The following ABI3BP variants were observed in gnomAD, a reference collection of about 807,000 sequenced individuals.
The protein encoded by ABI3BP is ABI family member 3 binding protein, also known as target of Nesh-SH3.
Under a neutral mutation model 268.6 loss-of-function variants are expected in ABI3BP, and 216 were observed. The ratio of observed to expected loss-of-function variants is 0.80; its 90% CI spans 0.72 to 0.90. The LOEUF is 0.90. ABI3BP is among the 40% of genes least tolerant of loss of function. The pLI, the probability that ABI3BP is intolerant of heterozygous loss-of-function variation, is 0.00. For missense variants in ABI3BP, 2,090 were observed against 2,182.4 expected (o/e 0.96, Z 0.84); for synonymous variants, 730 against 730.0 (o/e 1.00, Z 0.00).
intron 57 of ABI3BP, among the ~76,000 whole-genome samples, chr3:100,784,953 T>G (rs1489195879): frequency 6.6e-6 from 1 of 152,092 alleles, no homozygotes; most frequent in African/African-American, 2.4e-5. Flanking sequence ...ACTCAGGTAA[T>G]GAGTGCACTA....
At chr3:100,766,062 G>T (rs1041466512) in intron 62 of ABI3BP, 113 bp from the exon 63 acceptor site, 1 of 720,134 alleles carries the variant, frequency 1.4e-6, no homozygotes, top group South Asian at 1.7e-5. Flanking sequence ...AATTGAGATG[G>T]AAGTTCTAGA....
chr3:100,966,002 G>A (rs1463959179), intron 1 of ABI3BP, among the ~76,000 whole-genome samples: 2 of 152,172 alleles, frequency 1.3e-5, no homozygotes, highest in African/African-American at 4.8e-5. Context: ...GCCCCAAACA[G>A]TCCATGAATC....
rs747805952 is a variant in ABI3BP, at chr3:100,752,963, T to C, written c.4961-15A>G. ...ATCTCTTCCTGCTACAAAAGGAAAA[T>C]AGTTTGAGTTTAGTATCTGACTCTT... On this transcript the variant is annotated splice_polypyrimidine_tract_variant and intron_variant, in intron 65 of 67. Transcript: ENST00000471714. 1.2e-6 allele frequency: 2 copies of C among 1,603,690 alleles called. No individual in the cohort carries two copies. Among genetic ancestry groups the C allele is most frequent in the South Asian group, 2.2e-5 (2 of 90,246 alleles).
At chr3:100,802,404 C>T (rs2097558652) in intron 51 of ABI3BP, among the ~76,000 whole-genome samples, 1 of 152,178 alleles carries the variant, frequency 6.6e-6, no homozygotes, top group African/African-American at 2.4e-5. Context: ...TCTGTTAAGC[C>T]AGGAACCTCC....
chr3:100,864,417 T>C (rs995731507), intron 11 of ABI3BP: 3 of 343,468 alleles, frequency 8.7e-6, no homozygotes, highest in African/African-American at 2.1e-5. Context: ...TTTAAAAGCA[T>C]GACACTTTTG....
intron 1 of ABI3BP, among the ~76,000 whole-genome samples, chr3:100,939,068 T>A (rs979277207): frequency 2.0e-4 from 31 of 152,080 alleles, no homozygotes; most frequent in Non-Finnish European, 7.4e-5. Flanking sequence ...ATTCCATATA[T>A]CTCATTTTAT....
Position 100,851,866 on chromosome 3 carries a change from C to A in ABI3BP, c.1351+9G>T. ...GGATCCAAAGACAGAATTGAGAGGCCAGATATACCTGTGTAGGAATCTGAT... is the reference window on the plus strand; with the variant it reads ...GGATCCAAAGACAGAATTGAGAGGCAAGATATACCTGTGTAGGAATCTGAT... On this transcript the variant is annotated intron_variant, in intron 15 of 67. Coordinates refer to ENST00000471714, the MANE Select transcript of ABI3BP (RefSeq NM_001375547.2). 1.3e-6 allele frequency: 2 copies of A among 1,580,184 alleles called. No individual in the cohort carries two copies. The highest frequency in any genetic ancestry group is 1.2e-5 in the South Asian group (1 of 83,704).
At chr3:100,933,002 T>A (rs373833767) in intron 1 of ABI3BP, among the ~76,000 whole-genome samples, 13 of 152,116 alleles carry the variant, frequency 8.5e-5, no homozygotes, top group East Asian at 7.8e-4. Context: ...AGGAATTCTT[T>A]CATATCTAAT....
intron 55 of ABI3BP, among the ~76,000 whole-genome samples, chr3:100,790,062 G>A (rs935161094): frequency 6.6e-6 from 1 of 152,006 alleles, no homozygotes; most frequent in African/African-American, 2.4e-5. Context: ...CATCCATAAT[G>A]CTGTAGAAAT....
rs151128029 is a variant in ABI3BP, at chr3:100,893,438, C to G, written c.461+5324G>C. 3.6e-3 allele frequency among the ~76,000 whole-genome samples: 549 copies of G among 151,982 alleles called. 21 individuals are homozygous for G. Among genetic ancestry groups the G allele is most frequent in the Admixed American group, 0.033 (511 of 15,274 alleles). On this transcript the variant is annotated intron_variant, in intron 4 of 67. Coordinates refer to ENST00000471714, the MANE Select transcript of ABI3BP (RefSeq NM_001375547.2). ...CCTGTCCCTCTAGGAAACCCTAATA[C>G]AAATGGTTAAAGGGGCAAGAGGAAA...
intron 2 of ABI3BP, among the ~76,000 whole-genome samples, chr3:100,903,244 A>G (rs1160788101): frequency 1.3e-5 from 2 of 152,224 alleles, no homozygotes; most frequent in African/African-American, 2.4e-5. Context: ...GTCACAATTT[A>G]TAAGTTGGTA....
In ABI3BP at chr3:100,862,841, A is replaced by G. The variant is rs765353485; in HGVS notation, c.1207T>C (p.Leu403=). Residue 403 remains leucine, a synonymous_variant, in exon 13 of 68, where the codon TTG becomes CTG. Transcript: ENST00000471714. ...PFPFEKPRGT[L]ASSEKPWIVP... ...AAATTTAAGGTACTCTTATTACCCA[A>G]TGTGCCCCTAGGTTTCTCAAAAGGG... is the stretch of plus-strand genomic sequence containing the variant. 5 of 1,533,974 alleles carry G rather than the reference A, an allele frequency of 3.3e-6. No homozygotes were observed. Among genetic ancestry groups the G allele is most frequent in the East Asian group, 4.9e-5 (2 of 40,864 alleles).
At chr3:100,915,900 C>T (rs1259003668) in intron 2 of ABI3BP, among the ~76,000 whole-genome samples, 2 of 152,194 alleles carry the variant, frequency 1.3e-5, no homozygotes, top group East Asian at 1.9e-4. Flanking sequence ...CTGCTTCACT[C>T]GAATGCTCTG....
chr3:100,870,231 C>G (rs952012962), intron 9 of ABI3BP, among the ~76,000 whole-genome samples: 13 of 152,128 alleles, frequency 8.5e-5, no homozygotes, highest in Non-Finnish European at 2.9e-5. Context: ...AATGAAAAGG[C>G]AGCCTATGCA....
intron 47 of ABI3BP, 109 bp from the exon 48 acceptor site, chr3:100,811,386 G>A: frequency 1.3e-6 from 1 of 794,380 alleles, no homozygotes. Flanking sequence ...TTTACAGACA[G>A]GACAATGGAT....
Position 100,851,910 on chromosome 3 carries a change from G to C in ABI3BP, c.1316C>G (p.Thr439Arg), listed in dbSNP as rs748129668. Residue 439 changes from threonine (T) to arginine (R), a missense_variant, in exon 15 of 68, where the codon ACA (threonine) becomes AGA (arginine). Transcript: ENST00000471714. ...ATCTGATATCTCAGGCTCATCTGATGTTGTAGGGCTTGAGAAAACATCATA... is the reference window on the plus strand; with the variant it reads ...ATCTGATATCTCAGGCTCATCTGATCTTGTAGGGCTTGAGAAAACATCATA... ...ATYDVFSSPT[T>R]SDEPEISDSY... The C allele has an allele frequency of 1.3e-6, 2 of 1,575,182 alleles. No individual in the cohort carries two copies. Among genetic ancestry groups the C allele is most frequent in the African/African-American group, 1.4e-5 (1 of 73,076 alleles).
chr3:100,894,113 C>A (rs574152933), intron 4 of ABI3BP, among the ~76,000 whole-genome samples: 6 of 151,892 alleles, frequency 4.0e-5, no homozygotes, highest in Non-Finnish European at 1.5e-5. Context: ...GTGAAATGGA[C>A]AAGGAGAAGA....
chr3:100,843,362 G>A (rs988335422), intron 20 of ABI3BP, among the ~76,000 whole-genome samples: 7 of 152,012 alleles, frequency 4.6e-5, no homozygotes, highest in African/African-American at 1.7e-4. Context: ...CAGTAGTGAT[G>A]TGTCAGACTG....
At chr3:100,823,743 A>AGTCAAC in intron 36 of ABI3BP, among the ~76,000 whole-genome samples, 1 of 152,350 alleles carries the variant, frequency 6.6e-6, no homozygotes, top group East Asian at 1.9e-4. Context: ...ATGTTAAAGA[A>AGTCAAC]GTCAACATGA....
Sources: gnomAD v4.1 joint callset for allele counts (sites outside exome capture counted in the v4.1 genomes callset) on GRCh38, gnomAD v4.1.1 for gene constraint, MANE v1.5 for transcripts, NCBI Gene and HGNC (gene_info 2026-07-23, HGNC 2026-07-21) for gene names.